CWC27: variants seen among roughly 807,000 people sequenced by gnomAD.
The protein encoded by CWC27 is spliceosome-associated protein CWC27 homolog.
In CWC27, 47 loss-of-function variants were observed where a neutral mutation model predicts 63.6. The ratio of observed to expected loss-of-function variants is 0.74; its 90% confidence interval spans 0.58 to 0.94. The LOEUF is 0.94. CWC27 is among the 40% of genes least tolerant of loss of function. The pLI, the probability that CWC27 is intolerant of heterozygous loss-of-function variation, is 0.00. For missense variants in CWC27, 495 were observed against 554.3 expected (o/e 0.89, Z 1.07); for synonymous variants, 175 against 179.8 (o/e 0.97, Z 0.22).
chr5:64,938,980 A>G (rs538409017), intron 11 of CWC27, among the ~76,000 whole-genome samples: 15 of 152,128 alleles, frequency 9.9e-5, no homozygotes, highest in Admixed American at 9.2e-4. Context: ...TCTTCTCTAC[A>G]CTGTTTATTC....
At chr5:64,868,922 C>T (rs1200068523) in intron 10 of CWC27, among the ~76,000 whole-genome samples, 2 of 151,940 alleles carry the variant, frequency 1.3e-5, no homozygotes, top group South Asian at 2.1e-4. Context: ...CACACCATTG[C>T]CTCTCTTCAA....
At chr5:64,836,874 A>G (rs1745672047) in intron 10 of CWC27, among the ~76,000 whole-genome samples, 2 of 152,140 alleles carry the variant, frequency 1.3e-5, no homozygotes, top group South Asian at 4.1e-4. Context: ...GAGTGCTCTA[A>G]GTTTAGCTGA....
chr5:64,829,412 T>C (rs935987662), intron 10 of CWC27, among the ~76,000 whole-genome samples: 1 of 152,086 alleles, frequency 6.6e-6, no homozygotes, highest in African/African-American at 2.4e-5. Context: ...TTGAAAAATT[T>C]AATTTGGGAT....
chr5:64,867,954 GT>G (rs999148275), intron 10 of CWC27, among the ~76,000 whole-genome samples: 1 of 151,606 alleles, frequency 6.6e-6, no homozygotes, highest in African/African-American at 2.4e-5. Context: ...GGGGGCTGTT[GT>G]TGTTGTTGTT....
rs190900724 is a variant in CWC27, at chr5:64,806,029, A to G, written c.938+1643A>G. ...ATGATATATTGAGATTGTATTTAGTATGGAGAATGGATTGATAGAGGAGTG... is the reference window on the plus strand; with the variant it reads ...ATGATATATTGAGATTGTATTTAGTGTGGAGAATGGATTGATAGAGGAGTG... On this transcript the variant is annotated intron_variant, in intron 10 of 13. Coordinates refer to ENST00000381070, the MANE Select transcript of CWC27 (RefSeq NM_005869.4). Among the ~76,000 whole-genome samples, 33 of 152,248 alleles carry G rather than the reference A, an allele frequency of 2.2e-4. No homozygotes were observed. The East Asian group carries it at 6.2e-3, about 29-fold the overall frequency.
At chr5:64,775,611 C>T (rs1030724622) in intron 2 of CWC27, among the ~76,000 whole-genome samples, 1 of 152,130 alleles carries the variant, frequency 6.6e-6, no homozygotes, top group African/African-American at 2.4e-5. Context: ...TCTAGTTTCT[C>T]CACACAGCCT....
chr5:64,988,571 G>C (rs1011700040), intron 13 of CWC27, among the ~76,000 whole-genome samples: 1 of 150,218 alleles, frequency 6.7e-6, no homozygotes, highest in African/African-American at 2.5e-5. Context: ...TACGCCACCC[G>C]CTGTCCAGCG....
rs35301190 is a variant in CWC27 at position 64,979,965 on chromosome 5, TAAA to T, written c.1256+2745_1256+2747del. On this transcript the variant is annotated intron_variant, in intron 13 of 13. Transcript: ENST00000381070. ...ATTCAGCAGCATTATACTTTTTATG[TAAA>T]AAAAAAAAAAAAAAAAAGAGAGAGG... is the stretch of plus-strand genomic sequence containing the variant. 1.1e-4 allele frequency among the ~76,000 whole-genome samples: 12 copies of T among 112,244 alleles called. No homozygotes were observed. The South Asian group carries it at 1.4e-3, about 13-fold the overall frequency. The allele number at this position is 112,244 out of a possible 152,430, so 73.6% of individuals were successfully genotyped here.
rs114762106 is a variant in CWC27, at chr5:64,964,139, G to A, written c.1043-7564G>A. 4.1e-3 allele frequency among the ~76,000 whole-genome samples: 620 copies of A among 152,286 alleles called. 2 individuals carry two copies. The highest frequency in any genetic ancestry group is 0.014 in the African/African-American group (579 of 41,564). On this transcript the variant is annotated intron_variant, in intron 11 of 13. Transcript: ENST00000381070. ...TTATTATTGTAATTTGTGATGCAAA[G>A]GTGATTTACTTTTTTAAGTTCTTAA...
intron 13 of CWC27, among the ~76,000 whole-genome samples, chr5:65,004,302 G>T (rs1436087203): frequency 6.7e-6 from 1 of 149,088 alleles, no homozygotes; most frequent in Non-Finnish European, 1.5e-5. Context: ...CTATGCTTTT[G>T]CCCATCTCTT....
intron 10 of CWC27, among the ~76,000 whole-genome samples, chr5:64,851,730 C>CT (rs1746137962): frequency 6.6e-6 from 1 of 152,144 alleles, no homozygotes; most frequent in African/African-American, 2.4e-5. Flanking sequence ...AGGCATCAAA[C>CT]TTAGCTATAT....
At chr5:64,897,064 T>C (rs1438027220) in intron 11 of CWC27, among the ~76,000 whole-genome samples, 1 of 151,926 alleles carries the variant, frequency 6.6e-6, no homozygotes, top group Non-Finnish European at 1.5e-5. Context: ...TACAAAAAAA[T>C]TAGCCAGGTG....
rs73107238 is a variant in CWC27 at position 64,905,237 on chromosome 5, G to T, written c.1042+19691G>T. On this transcript the variant is annotated intron_variant, in intron 11 of 13. Coordinates refer to ENST00000381070, the MANE Select transcript of CWC27 (RefSeq NM_005869.4). ...AAAAAAAAAAAAACACCTAATGAAT[G>T]CATATCTTTTCTTTCCTGGCCAGGC... Among the ~76,000 whole-genome samples the T allele has an allele frequency of 2.8e-5, 4 of 144,496 alleles. No homozygotes were observed. The East Asian group carries it at 8.0e-4, about 29-fold the overall frequency. 94.8% of individuals were successfully genotyped at this position (144,496 alleles called of 152,430 possible).
chr5:64,903,706 T>TA (rs1251592677), intron 11 of CWC27, among the ~76,000 whole-genome samples: 1 of 151,884 alleles, frequency 6.6e-6, no homozygotes, highest in Non-Finnish European at 1.5e-5. Flanking sequence ...AAAATAAAAA[T>TA]AAAAAAAGAA....
chr5:64,906,352 G>A (rs184689158), intron 11 of CWC27, among the ~76,000 whole-genome samples: 12 of 152,150 alleles, frequency 7.9e-5, no homozygotes, highest in Admixed American at 4.6e-4. Flanking sequence ...ACCTTTTAAC[G>A]ATTGCCATTC....
At chr5:64,914,037 A>C (rs528881772) in intron 11 of CWC27, among the ~76,000 whole-genome samples, 1 of 152,164 alleles carries the variant, frequency 6.6e-6, no homozygotes, top group African/African-American at 2.4e-5. Flanking sequence ...ACACACATAA[A>C]AGATAGTGCT....
intron 11 of CWC27, among the ~76,000 whole-genome samples, chr5:64,887,898 A>T (rs112409225): frequency 8.1e-4 from 124 of 152,342 alleles, no homozygotes; most frequent in African/African-American, 2.9e-3. Context: ...AATGTACATC[A>T]TAGATGGTTC....
Position 64,806,686 on chromosome 5 carries a change from C to G in CWC27, c.938+2300C>G, listed in dbSNP as rs553368167. Among the ~76,000 whole-genome samples the G allele has an allele frequency of 5.3e-5, 8 of 152,018 alleles. No homozygotes were observed. In the East Asian group the frequency reaches 1.5e-3, roughly 29 times the overall value. ...TATTTTTTTCAGTTCATAAAGTTGCCAAAATCAGACCCTGGCATGGTGGCT... is the reference window on the plus strand; with the variant it reads ...TATTTTTTTCAGTTCATAAAGTTGCGAAAATCAGACCCTGGCATGGTGGCT... On this transcript the variant is annotated intron_variant, in intron 10 of 13. Transcript: ENST00000381070.
chr5:64,930,959 A>G (rs1341246528), intron 11 of CWC27, among the ~76,000 whole-genome samples: 2 of 152,126 alleles, frequency 1.3e-5, no homozygotes, highest in African/African-American at 4.8e-5. Context: ...AATAATGTCC[A>G]TGTTGTGAAA....
Sources: allele counts gnomAD v4.1 joint callset (sites outside exome capture counted in the v4.1 genomes callset), GRCh38; gene constraint gnomAD v4.1.1; transcripts MANE v1.5; gene names NCBI Gene and HGNC (gene_info 2026-07-23, HGNC 2026-07-21).